The following RBFOX1 variants were observed in gnomAD, a reference collection of about 807,000 sequenced individuals.
RBFOX1 encodes the protein RNA binding protein fox-1 homolog 1.
A neutral mutation model predicts 57.7 loss-of-function variants in RBFOX1; 8 were observed. The observed-to-expected ratio is 0.14, with a 90% CI of 0.08 to 0.25. RBFOX1 has a LOEUF of 0.25. Ranked by LOEUF, RBFOX1 falls within the 10% of genes least tolerant of loss-of-function variation. RBFOX1 has a pLI of 1.00. For missense variants in RBFOX1, 611 were observed against 548.5 expected (o/e 1.11, Z -1.14); for synonymous variants, 326 against 222.4 (o/e 1.47, Z -4.15).
chr16:7,709,864 G>T (rs1598702683), intron 15 of RBFOX1: 3 of 1,161,012 alleles, frequency 2.6e-6, no homozygotes, highest in African/African-American at 1.6e-5. Context: ...CCCATCACGT[G>T]AGAGCATATG....
At chr16:6,082,098 C>T (rs1005884486) in intron 1 of RBFOX1, among the ~76,000 whole-genome samples, 5 of 151,532 alleles carry the variant, frequency 3.3e-5, no homozygotes, top group Non-Finnish European at 5.9e-5. Flanking sequence ...TTGGTGGTAC[C>T]TGATTCAGAG....
At chr16:6,314,127 C>A (rs554055521) in intron 1 of RBFOX1, among the ~76,000 whole-genome samples, 1 of 152,072 alleles carries the variant, frequency 6.6e-6, no homozygotes, top group African/African-American at 2.4e-5. Context: ...ACGGTAGCAC[C>A]AAAGAAGGCC....
chr16:7,135,453 C>T (rs1366220130), intron 4 of RBFOX1, among the ~76,000 whole-genome samples: 1 of 152,184 alleles, frequency 6.6e-6, no homozygotes, highest in Non-Finnish European at 1.5e-5. Flanking sequence ...ACATTGTTAC[C>T]AAGCTACAGC....
chr16:5,608,924 T>G (rs2151236822), intron 3 of RBFOX1, among the ~76,000 whole-genome samples: 1 of 152,292 alleles, frequency 6.6e-6, no homozygotes, highest in East Asian at 1.9e-4. Flanking sequence ...TTGCTCAAGG[T>G]TTTACCCTTT....
At chr16:5,817,982 G>C (rs1330684556) in intron 3 of RBFOX1, among the ~76,000 whole-genome samples, 1 of 152,238 alleles carries the variant, frequency 6.6e-6, no homozygotes, top group Admixed American at 6.5e-5. Flanking sequence ...GAGCCACCGC[G>C]CCTGGCCAGG....
intron 4 of RBFOX1, among the ~76,000 whole-genome samples, chr16:5,978,738 G>A (rs988689654): frequency 6.6e-6 from 1 of 150,978 alleles, no homozygotes; most frequent in Non-Finnish European, 1.5e-5. Flanking sequence ...GTACCAGTCC[G>A]GCGTCCTGTA....
chr16:7,664,152 ATAAG>A (rs1253516237), intron 12 of RBFOX1, among the ~76,000 whole-genome samples: 1 of 152,092 alleles, frequency 6.6e-6, no homozygotes, highest in African/African-American at 2.4e-5. Context: ...ATACATATAA[ATAAG>A]TATACACATG....
At chr16:7,445,421 C>G (rs970409785) in intron 4 of RBFOX1, among the ~76,000 whole-genome samples, 2 of 152,136 alleles carry the variant, frequency 1.3e-5, no homozygotes, top group Non-Finnish European at 2.9e-5. Flanking sequence ...GTAGGAATCA[C>G]AATATTTGCC....
intron 1 of RBFOX1, among the ~76,000 whole-genome samples, chr16:6,247,138 G>T (rs944960151): frequency 4.6e-5 from 7 of 152,182 alleles, no homozygotes; most frequent in African/African-American, 1.7e-4. Context: ...TCAAGGTTTA[G>T]ATCAGAAATG....
At chr16:5,835,461 C>T (rs564281496) in intron 3 of RBFOX1, among the ~76,000 whole-genome samples, 6 of 152,304 alleles carry the variant, frequency 3.9e-5, no homozygotes, top group South Asian at 2.1e-4. Context: ...GTATATCAGT[C>T]CTCCTATTGT....
intron 3 of RBFOX1, among the ~76,000 whole-genome samples, chr16:5,683,972 G>A (rs1355533179): frequency 7.2e-5 from 11 of 151,922 alleles, no homozygotes; most frequent in Non-Finnish European, 1.6e-4. Context: ...TTCTCTGATG[G>A]TCAAGTGGCT....
intron 4 of RBFOX1, among the ~76,000 whole-genome samples, chr16:7,193,418 C>T (rs561960377): frequency 7.9e-5 from 12 of 152,320 alleles, no homozygotes; most frequent in African/African-American, 2.9e-4. Flanking sequence ...GATTTCTGAA[C>T]TACAGAACTA....
chr16:6,610,949 A>C (rs972892177), intron 2 of RBFOX1, among the ~76,000 whole-genome samples: 3 of 152,232 alleles, frequency 2.0e-5, no homozygotes, highest in Non-Finnish European at 2.9e-5. Flanking sequence ...GAAGATCATA[A>C]TATACAATCT....
intron 4 of RBFOX1, among the ~76,000 whole-genome samples, chr16:7,094,191 GA>G (rs957361747): frequency 6.6e-6 from 1 of 151,864 alleles, no homozygotes; most frequent in African/African-American, 2.4e-5. Flanking sequence ...ATGCGGGTTT[GA>G]AAGACATAAG....
At chr16:6,839,669 T>C (rs1403942188) in intron 3 of RBFOX1, among the ~76,000 whole-genome samples, 5 of 152,190 alleles carry the variant, frequency 3.3e-5, no homozygotes, top group African/African-American at 4.8e-5. Flanking sequence ...CAAACTCTCC[T>C]ATTTTTAATT....
chr16:5,507,319 C>G (rs1349096988), intron 2 of RBFOX1, among the ~76,000 whole-genome samples: 3 of 152,070 alleles, frequency 2.0e-5, no homozygotes, highest in Non-Finnish European at 4.4e-5. Flanking sequence ...TTTTCTCTCA[C>G]TGCTCCCCAA....
At chr16:6,899,007 G>T (rs986044155) in intron 3 of RBFOX1, among the ~76,000 whole-genome samples, 1 of 73,310 alleles carries the variant, frequency 1.4e-5, no homozygotes, top group Non-Finnish European at 2.4e-5. Context: ...ATGCGTGTAT[G>T]CATGCGCGTC....
intron 3 of RBFOX1, among the ~76,000 whole-genome samples, chr16:6,948,251 A>G (rs1267333904): frequency 2.0e-5 from 3 of 152,076 alleles, no homozygotes; most frequent in Non-Finnish European, 4.4e-5. Context: ...GGGCAATATT[A>G]TGAGACCATA....
intron 1 of RBFOX1, among the ~76,000 whole-genome samples, chr16:5,378,320 G>C (rs2066041562): frequency 6.6e-6 from 1 of 151,532 alleles, no homozygotes; most frequent in East Asian, 1.9e-4. Context: ...TCCTGCCTCT[G>C]CTGGCCACCC....
Sources: gnomAD v4.1 joint callset for allele counts (sites outside exome capture counted in the v4.1 genomes callset) on GRCh38, gnomAD v4.1.1 for gene constraint, MANE v1.5 for transcripts, NCBI Gene and HGNC (gene_info 2026-07-23, HGNC 2026-07-21) for gene names.